The following BAIAP2 variants were observed in gnomAD, a reference collection of about 807,000 sequenced individuals.
The protein encoded by BAIAP2 is BAR/IMD domain-containing adapter protein 2.
Under a neutral mutation model 63.0 loss-of-function variants are expected in BAIAP2, and 18 were observed. The ratio of observed to expected loss-of-function variants is 0.29; its 90% CI spans 0.20 to 0.42. BAIAP2 has a LOEUF of 0.42. Ranked by LOEUF, BAIAP2 falls within the 10% of genes least tolerant of loss-of-function variation. The pLI, the probability that BAIAP2 is intolerant of heterozygous loss-of-function variation, is 1.00. For missense variants in BAIAP2, 610 were observed against 734.3 expected (o/e 0.83, Z 1.96); for synonymous variants, 386 against 307.6 (o/e 1.25, Z -2.67).
intron 3 of BAIAP2, among the ~76,000 whole-genome samples, chr17:81,072,574 C>A (rs12051698): frequency 6.6e-6 from 1 of 152,106 alleles, no homozygotes; most frequent in South Asian, 2.1e-4. Context: ...TTCCTGGCCC[C>A]TGTCCGAGAA....
chr17:81,041,403 A>C (rs1418577089), intron 1 of BAIAP2, among the ~76,000 whole-genome samples: 1 of 152,164 alleles, frequency 6.6e-6, no homozygotes, highest in Non-Finnish European at 1.5e-5. Context: ...ATGAGATCTG[A>C]TGTCCTGGGC....
chr17:81,042,604 A>T (rs1021842581), intron 1 of BAIAP2, among the ~76,000 whole-genome samples: 1 of 152,060 alleles, frequency 6.6e-6, no homozygotes, highest in South Asian at 2.1e-4. Context: ...ATGCCAGGTG[A>T]CCGCCTGCTT....
chr17:81,038,348 G>C (rs999198279), intron 1 of BAIAP2, among the ~76,000 whole-genome samples: 1 of 152,236 alleles, frequency 6.6e-6, no homozygotes, highest in Admixed American at 6.5e-5. Flanking sequence ...TCTCGTGTCC[G>C]CAGAGAAGCC....
chr17:81,101,268 C>T (rs576779048), intron 7 of BAIAP2, among the ~76,000 whole-genome samples: 11 of 152,246 alleles, frequency 7.2e-5, no homozygotes, highest in African/African-American at 1.9e-4. Context: ...TCCTCAGGGA[C>T]GGGCTGCAGC....
At chr17:81,068,310 G>T (rs921578346) in intron 3 of BAIAP2, among the ~76,000 whole-genome samples, 2 of 152,246 alleles carry the variant, frequency 1.3e-5, no homozygotes, top group African/African-American at 4.8e-5. Context: ...GGCGAGGCTG[G>T]TTAGGAGCAG....
At chr17:81,056,882 GT>G (rs2049668265) in intron 2 of BAIAP2, among the ~76,000 whole-genome samples, 3 of 152,042 alleles carry the variant, frequency 2.0e-5, no homozygotes, top group African/African-American at 7.2e-5. Context: ...TTTTTCTGCT[GT>G]TGCGTTTTTC....
At chr17:81,098,787 G>C (rs987630545) in intron 6 of BAIAP2, among the ~76,000 whole-genome samples, 1 of 152,184 alleles carries the variant, frequency 6.6e-6, no homozygotes. Context: ...CAGAGCCAGG[G>C]CCACAGACGC....
chr17:81,046,041 C>T lies in BAIAP2; in HGVS notation c.55-7627C>T, dbSNP rs1214070073. Among the ~76,000 whole-genome samples the T allele has an allele frequency of 6.6e-6, 1 of 152,148 alleles. No individual in the cohort carries two copies. The highest frequency in any genetic ancestry group is 1.9e-4 in the East Asian group (1 of 5,184). ...GGCACGGCAGAGGGGTTTGGCCACC[C>T]AGTTTTCTTCTCCCCTCGGCTGTGG... On this transcript the variant is annotated intron_variant, in intron 1 of 13. Coordinates refer to ENST00000428708, the MANE Select transcript of BAIAP2 (RefSeq NM_001144888.2). The surrounding 1 kb of genome is among the most constrained non-coding windows in gnomAD (Gnocchi z 4.5).
At chr17:81,053,240 T>G in intron 1 of BAIAP2, 3 of 183,672 alleles carry the variant, frequency 1.6e-5, no homozygotes, top group South Asian at 1.1e-4. Context: ...TTGAGCAGGA[T>G]TTTAGTGGGA....
At chr17:81,112,396 T>C (rs1403428579) in intron 13 of BAIAP2, among the ~76,000 whole-genome samples, 1 of 152,242 alleles carries the variant, frequency 6.6e-6, no homozygotes, top group Non-Finnish European at 1.5e-5. Context: ...GTCTGACAAC[T>C]CAGCTGGGAT....
In BAIAP2 at chr17:81,062,247, A is replaced by C. The variant is rs150616181; in HGVS notation, c.217+4280A>C. On this transcript the variant is annotated intron_variant, in intron 3 of 13. Transcript: ENST00000428708. ...ATTACAGGCATGAGCCATCGCACCCAGATCTGTAATAGTGTTTTTAGAACA... is the reference window on the plus strand; with the variant it reads ...ATTACAGGCATGAGCCATCGCACCCCGATCTGTAATAGTGTTTTTAGAACA... Among the ~76,000 whole-genome samples the C allele has an allele frequency of 3.9e-5, 6 of 152,036 alleles. No homozygotes were observed. In the East Asian group the frequency reaches 9.7e-4, roughly 24 times the overall value.
chr17:81,056,539 G>C (rs2049591914), intron 2 of BAIAP2: 1 of 152,312 alleles, frequency 6.6e-6, no homozygotes, highest in Admixed American at 6.5e-5. Flanking sequence ...CTTTCAGTGG[G>C]TTGCGGTGGG....
At chr17:81,093,167 G>C (rs1362386211) in intron 6 of BAIAP2, among the ~76,000 whole-genome samples, 1 of 152,074 alleles carries the variant, frequency 6.6e-6, no homozygotes, top group East Asian at 1.9e-4. Context: ...AGGGAGCCCC[G>C]GCCCGCTGGA....
chr17:81,051,779 T>A (rs2048716570), intron 1 of BAIAP2, among the ~76,000 whole-genome samples: 1 of 152,192 alleles, frequency 6.6e-6, no homozygotes, highest in Non-Finnish European at 1.5e-5. Context: ...AGCTTTGACC[T>A]TCCAGGCTTA....
chr17:81,054,841 G>T (rs937025834), intron 2 of BAIAP2, among the ~76,000 whole-genome samples: 8 of 152,112 alleles, frequency 5.3e-5, no homozygotes, highest in Admixed American at 3.3e-4. Flanking sequence ...GTGGGGAGTG[G>T]CTTCCTTGTC....
intron 13 of BAIAP2, among the ~76,000 whole-genome samples, chr17:81,113,363 C>T (rs958522097): frequency 2.0e-5 from 3 of 152,242 alleles, no homozygotes; most frequent in Non-Finnish European, 2.9e-5. Flanking sequence ...CACGTGTCCT[C>T]CGGCAGGGAC....
chr17:81,114,510 CCT>C (rs1284212699), intron 13 of BAIAP2, among the ~76,000 whole-genome samples: 3 of 152,194 alleles, frequency 2.0e-5, no homozygotes, highest in Non-Finnish European at 4.4e-5. Context: ...TCCAGCAGAC[CCT>C]GAGGCTCCAG....
At position 81,116,209 on chromosome 17, in the gene BAIAP2, A is replaced by T; in HGVS notation, c.*370A>T. The T allele has an allele frequency of 6.2e-7, 1 of 1,609,194 alleles. No individual in the cohort carries two copies. Among genetic ancestry groups the T allele is most frequent in the Non-Finnish European group, 8.5e-7 (1 of 1,177,190 alleles). On this transcript the variant is annotated 3_prime_UTR_variant, in exon 14 of 14. Coordinates refer to ENST00000428708, the MANE Select transcript of BAIAP2 (RefSeq NM_001144888.2). ...GCCCTGCTGCTTCTCCTGCCTAATA[A>T]ACAGGCTTCTCCTGCACCAGGTGTG...
intron 6 of BAIAP2, chr17:81,098,090 T>C (rs1418523541): frequency 5.3e-5 from 71 of 1,346,716 alleles, no homozygotes; most frequent in Non-Finnish European, 6.6e-5. Context: ...GCTGGGGTCA[T>C]GGAGGGGCCA....
Sources: allele counts gnomAD v4.1 joint callset (sites outside exome capture counted in the v4.1 genomes callset), GRCh38; gene constraint gnomAD v4.1.1; non-coding constraint Gnocchi (gnomAD v3.1); transcripts MANE v1.5; gene names NCBI Gene and HGNC (gene_info 2026-07-23, HGNC 2026-07-21).